CELSR1: variants seen among roughly 807,000 people sequenced by gnomAD.
CELSR1 encodes the protein cadherin EGF LAG seven-pass G-type receptor 1.
A neutral mutation model predicts 249.1 loss-of-function variants in CELSR1; 110 were observed. The ratio of observed to expected loss-of-function variants is 0.44; its 90% confidence interval spans 0.38 to 0.52. The LOEUF is 0.52. CELSR1 is among the 20% of genes least tolerant of loss of function. CELSR1 has a pLI of 0.00. For synonymous variants in CELSR1, 2,113 were observed against 1,900.0 expected (o/e 1.11, Z -2.92); for missense variants, 4,109 against 4,296.4 (o/e 0.96, Z 1.22).
In CELSR1 at chr22:46,451,655, C is replaced by A. The variant is rs141226974; in HGVS notation, c.4183+12052G>T. Among the ~76,000 whole-genome samples, 1,072 of 152,288 alleles carry A rather than the reference C, an allele frequency of 7.0e-3. 16 individuals carry two copies. The highest frequency in any genetic ancestry group is 0.024 in the African/African-American group (1,014 of 41,556). On this transcript the variant is annotated intron_variant, in intron 2 of 34. Coordinates refer to ENST00000674500, the MANE Select transcript of CELSR1 (RefSeq NM_001378328.1). ...AGCCTTTCAGAAGAGGGGCTCCCTA[C>A]AACCTCCTTCTCCACAACACCGACG...
chr22:46,536,548 G>T lies in CELSR1; in HGVS notation c.623C>A (p.Pro208His). The change falls in exon 1 of 35, where the codon CCC becomes CAC. Residue 208 changes from proline to histidine, a missense_variant. Transcript: ENST00000674500. Reference sequence around the variant, plus strand: ...CGGCGATGGGGATGGCGACGCGGAGGGCGTCCCCGCGGTGGCGGCCTCCAG... The same window carrying T: ...CGGCGATGGGGATGGCGACGCGGAGTGCGTCCCCGCGGTGGCGGCCTCCAG... Reference protein sequence around the residue: ...LALEAATAGTPSASPSPSPPL... With the variant: ...LALEAATAGTHSASPSPSPPL... 7.4e-7 allele frequency: 1 copy of T among 1,356,158 alleles called. No homozygotes were observed. Among genetic ancestry groups the T allele is most frequent in the South Asian group, 1.8e-5 (1 of 55,322 alleles). 84.0% of individuals were successfully genotyped at this position (1,356,158 alleles called of 1,614,324 possible).
At chr22:46,498,291 C>CAAA (rs757698564) in intron 1 of CELSR1, among the ~76,000 whole-genome samples, 3 of 11,312 alleles carry the variant, frequency 2.7e-4, no homozygotes, top group East Asian at 2.0e-3. Flanking sequence ...AACTCTGTCT[C>CAAA]AAAAAAAAAA....
At chr22:46,477,058 T>A (rs117984459) in intron 1 of CELSR1, among the ~76,000 whole-genome samples, 309 of 152,302 alleles carry the variant, frequency 2.0e-3, no homozygotes, top group Non-Finnish European at 3.5e-3. Context: ...AACCATTTCC[T>A]TCAAACCAAG....
chr22:46,462,677 C>A, intron 2 of CELSR1: 2 of 252,380 alleles, frequency 7.9e-6, no homozygotes, highest in Admixed American at 5.7e-5. Context: ...GACTATTCAC[C>A]ACTGGGACCA....
Position 46,427,239 on chromosome 22 carries a change from A to G in CELSR1, c.4611+6154T>C, listed in dbSNP as rs554129593. 1.2e-4 allele frequency among the ~76,000 whole-genome samples: 18 copies of G among 152,278 alleles called. No individual in the cohort carries two copies. Among genetic ancestry groups the G allele is most frequent in the Admixed American group, 3.9e-4 (6 of 15,294 alleles). ...GGATTTCTAAATGCCACCCTCCACT[A>G]AAAGAACCAGGCTCGGCCAGGTGCA... On this transcript the variant is annotated intron_variant, in intron 5 of 34. Transcript: ENST00000674500. This position sits in a 1 kb window ranked among gnomAD's most constrained non-coding sequence, Gnocchi z 4.2.
At position 46,389,316 on chromosome 22, in the gene CELSR1, C is replaced by A; in HGVS notation, c.6529G>T (p.Ala2177Ser). The A allele has an allele frequency of 1.2e-6, 2 of 1,608,448 alleles. No homozygotes were observed. The highest frequency in any genetic ancestry group is 1.7e-6 in the Non-Finnish European group (2 of 1,179,796). Reference sequence around the variant, plus strand: ...TCGTGAAAGTCGGCGTCCTGCGTGGCTGCCAGGTCGAAGCCCTGCTGCCAG... The same window carrying A: ...TCGTGAAAGTCGGCGTCCTGCGTGGATGCCAGGTCGAAGCCCTGCTGCCAG... The part of the protein sequence containing the change: ...ESWQQGFDLA[A>S]TQDADFHEDV... The change falls in exon 18 of 35, where the codon GCC (alanine) becomes TCC (serine). Residue 2177 changes from alanine (A) to serine (S), a missense_variant. Transcript: ENST00000674500.
chr22:46,508,870 G>C (rs977860167), intron 1 of CELSR1, among the ~76,000 whole-genome samples: 5 of 152,140 alleles, frequency 3.3e-5, no homozygotes, highest in Admixed American at 1.3e-4. Context: ...CCCGGGGACC[G>C]CCATGCAGTC....
intron 2 of CELSR1, among the ~76,000 whole-genome samples, chr22:46,444,942 G>C (rs965951112): frequency 2.6e-5 from 4 of 152,138 alleles, no homozygotes; most frequent in African/African-American, 4.8e-5. Context: ...GCGGTGGCTC[G>C]TGCCTGTAAT....
In CELSR1 at chr22:46,391,059, T is replaced by G; in HGVS notation, c.6250+127A>C. On this transcript the variant is annotated intron_variant, in intron 16 of 34. Transcript: ENST00000674500. The surrounding 1 kb of genome is among the most constrained non-coding windows in gnomAD (Gnocchi z 4.3). Reference sequence around the variant, plus strand: ...CTGGTAGGGAAAAGGCGATCGGATTTCTCCCCAGCACTTTGCCTGCGGATA... The same window carrying G: ...CTGGTAGGGAAAAGGCGATCGGATTGCTCCCCAGCACTTTGCCTGCGGATA... 4.1e-6 allele frequency: 3 copies of G among 735,172 alleles called. No homozygotes were observed. Among genetic ancestry groups the G allele is most frequent in the Non-Finnish European group, 6.6e-6 (3 of 451,140 alleles). The allele number at this position is 735,172 out of a possible 1,614,324, so 45.5% of individuals were successfully genotyped here. A position where few individuals can be genotyped will look rare whatever the true frequency, so the allele number is the denominator to read the frequency against.
intron 1 of CELSR1, among the ~76,000 whole-genome samples, chr22:46,489,893 CAA>C (rs34918973): frequency 6.9e-6 from 1 of 144,124 alleles, no homozygotes; most frequent in African/African-American, 2.5e-5. Flanking sequence ...GACTCCTTCT[CAA>C]AAAAAAAAAA....
intron 32 of CELSR1, 50 bp from the exon 33 acceptor site, chr22:46,364,786 T>C (rs965231922): frequency 3.2e-6 from 5 of 1,551,470 alleles, no homozygotes; most frequent in Non-Finnish European, 3.5e-6. Context: ...CCACTCGAGC[T>C]GCTCCCTTGA....
At chr22:46,513,822 T>C (rs1201007326) in intron 1 of CELSR1, among the ~76,000 whole-genome samples, 8 of 152,222 alleles carry the variant, frequency 5.3e-5, no homozygotes, top group Non-Finnish European at 1.0e-4. Context: ...GACGGAGTCT[T>C]GCTCTGTCGC....
chr22:46,529,581 T>C (rs898647566), intron 1 of CELSR1, among the ~76,000 whole-genome samples: 3 of 151,918 alleles, frequency 2.0e-5, no homozygotes, highest in African/African-American at 7.3e-5. Context: ...GGCAGGCAGA[T>C]CACTTGAGGT....
intron 2 of CELSR1, among the ~76,000 whole-genome samples, chr22:46,451,543 T>C (rs749231887): frequency 6.0e-4 from 91 of 152,216 alleles, no homozygotes; most frequent in Non-Finnish European, 1.1e-3. Flanking sequence ...TTTGACCGTC[T>C]TCTGGTGCTT....
chr22:46,426,305 C>T (rs546358891), intron 5 of CELSR1, among the ~76,000 whole-genome samples: 1 of 152,170 alleles, frequency 6.6e-6, no homozygotes, highest in Non-Finnish European at 1.5e-5. Context: ...CAAGAATGAC[C>T]TCTAACTCTG....
chr22:46,457,599 C>T (rs527250574), intron 2 of CELSR1, among the ~76,000 whole-genome samples: 4 of 152,304 alleles, frequency 2.6e-5, no homozygotes, highest in South Asian at 2.1e-4. Flanking sequence ...CATGGGAAGA[C>T]GAAGACGCTA....
rs1187960629 is a variant in CELSR1 at position 46,488,939 on chromosome 22, G to A, written c.3545-24594C>T. On this transcript the variant is annotated intron_variant, in intron 1 of 34. Coordinates refer to ENST00000674500, the MANE Select transcript of CELSR1 (RefSeq NM_001378328.1). This position sits in a 1 kb window ranked among gnomAD's most constrained non-coding sequence, Gnocchi z 4.7. ...TTCCCAAAGTGTTGGGATTACAGGCGGAAGCCACCACGCCCAGCCCAGCCC... is the reference window on the plus strand; with the variant it reads ...TTCCCAAAGTGTTGGGATTACAGGCAGAAGCCACCACGCCCAGCCCAGCCC... 3.3e-5 allele frequency among the ~76,000 whole-genome samples: 5 copies of A among 151,488 alleles called. No individual in the cohort carries two copies. Among genetic ancestry groups the A allele is most frequent in the South Asian group, 2.1e-4 (1 of 4,782 alleles).
intron 1 of CELSR1, among the ~76,000 whole-genome samples, chr22:46,511,316 G>GC (rs1252627530): frequency 6.6e-6 from 1 of 152,080 alleles, no homozygotes; most frequent in African/African-American, 2.4e-5. Context: ...CAAAGCAGGT[G>GC]CCCCCGGCTC....
At chr22:46,367,230 C>T (rs2078795828) in intron 28 of CELSR1, 112 bp from the exon 29 acceptor site, 2 of 1,398,398 alleles carry the variant, frequency 1.4e-6, no homozygotes, top group Admixed American at 2.3e-5. Context: ...CATGTCCGGC[C>T]ACACGGCCCA....
Sources: gnomAD v4.1 joint callset for allele counts (sites outside exome capture counted in the v4.1 genomes callset) on GRCh38, gnomAD v4.1.1 for gene constraint, Gnocchi (gnomAD v3.1) non-coding constraint, MANE v1.5 for transcripts, NCBI Gene and HGNC (gene_info 2026-07-23, HGNC 2026-07-21) for gene names.